Variants in CSMD1 observed in about 807,000 individuals in gnomAD.
The protein encoded by CSMD1 is CUB and Sushi multiple domains 1.
CSMD1 carries 213 observed loss-of-function variants against 417.5 expected under a neutral mutation model. The observed-to-expected ratio is 0.51, with a 90% CI of 0.46 to 0.57. The LOEUF is 0.57. CSMD1 is among the 20% of genes least tolerant of loss of function. The pLI is 0.00. For missense variants in CSMD1, 6,923 were observed against 4,529.7 expected (o/e 1.53, Z -15.17); for synonymous variants, 2,862 against 1,736.8 (o/e 1.65, Z -16.11).
In CSMD1 at chr8:4,020,373, C is replaced by A. The variant is rs1280268618; in HGVS notation, c.610+11532G>T. ...CTCAAGACTGCAAGATGTTGTATTTCATTTAATCCTTAAACTGACACTGAG... is the reference window on the plus strand; with the variant it reads ...CTCAAGACTGCAAGATGTTGTATTTAATTTAATCCTTAAACTGACACTGAG... On this transcript the variant is annotated intron_variant, in intron 4 of 69. Coordinates refer to ENST00000635120, the MANE Select transcript of CSMD1 (RefSeq NM_033225.6). Among the ~76,000 whole-genome samples, 3 of 152,186 alleles carry A rather than the reference C, an allele frequency of 2.0e-5. No individual in the cohort carries two copies. The East Asian group carries it at 5.8e-4, about 29-fold the overall frequency.
Position 3,571,213 on chromosome 8 carries a change from G to T in CSMD1, c.1344+3732C>A, listed in dbSNP as rs13271675. On this transcript the variant is annotated intron_variant, in intron 10 of 69. Coordinates refer to ENST00000635120, the MANE Select transcript of CSMD1 (RefSeq NM_033225.6). ...TTTCTTGGACTATATTCTGCTTTCTGCATGCTGTCATCCTAATTTCTGGTT... is the reference window on the plus strand; with the variant it reads ...TTTCTTGGACTATATTCTGCTTTCTTCATGCTGTCATCCTAATTTCTGGTT... 2.6e-5 allele frequency among the ~76,000 whole-genome samples: 4 copies of T among 152,026 alleles called. No individual in the cohort carries two copies. The South Asian group carries it at 6.2e-4, about 24-fold the overall frequency.
rs146378609 is a variant in CSMD1 at position 4,467,173 on chromosome 8, C to T, written c.303-47108G>A. On this transcript the variant is annotated intron_variant, in intron 2 of 69. Coordinates refer to ENST00000635120, the MANE Select transcript of CSMD1 (RefSeq NM_033225.6). ...AAAGAAAAAACAAATGTTGACAACTCGTTCTGTAAACAATGTTCAAAGTCC... is the reference window on the plus strand; with the variant it reads ...AAAGAAAAAACAAATGTTGACAACTTGTTCTGTAAACAATGTTCAAAGTCC... Among the ~76,000 whole-genome samples, 153 of 151,118 alleles carry T rather than the reference C, an allele frequency of 1.0e-3. 2 individuals are homozygous for T. The East Asian group carries it at 0.017, about 17-fold the overall frequency.
At chr8:4,373,580 T>A (rs112103051) in intron 3 of CSMD1, among the ~76,000 whole-genome samples, 2,673 of 152,336 alleles carry the variant, frequency 0.018, 74 homozygotes, top group African/African-American at 0.061. Flanking sequence ...AATTTCATCT[T>A]ATTTAATTTT....
At chr8:4,138,695 T>A (rs988243741) in intron 3 of CSMD1, among the ~76,000 whole-genome samples, 3 of 152,194 alleles carry the variant, frequency 2.0e-5, no homozygotes, top group Non-Finnish European at 4.4e-5. Context: ...TTGTAATGAA[T>A]TCAATATTTC....
intron 36 of CSMD1, chr8:3,183,129 A>G (rs1419806945): frequency 6.7e-6 from 1 of 148,476 alleles, no homozygotes; most frequent in East Asian, 2.0e-4. Context: ...AACATCGAGT[A>G]GGTCTCTAAC....
chr8:3,633,166 A>T (rs1305159538), intron 7 of CSMD1, among the ~76,000 whole-genome samples: 1 of 152,260 alleles, frequency 6.6e-6, no homozygotes. Context: ...ATCATTAAAC[A>T]TCATATATGA....
At position 3,282,432 on chromosome 8, in the gene CSMD1, A is replaced by C. The variant is rs138718733; in HGVS notation, c.4153+1712T>G. Among the ~76,000 whole-genome samples the C allele has an allele frequency of 1.8e-3, 276 of 152,316 alleles. 4 individuals are homozygous for C. The highest frequency in any genetic ancestry group is 6.5e-3 in the African/African-American group (270 of 41,582). ...CAGAATGGAAAGAAGAGGAAAATGA[A>C]CATAATCTCATAACTTTCTCAACTT... is the stretch of plus-strand genomic sequence containing the variant. On this transcript the variant is annotated intron_variant, in intron 26 of 69. Coordinates refer to ENST00000635120, the MANE Select transcript of CSMD1 (RefSeq NM_033225.6).
chr8:4,487,440 A>G (rs1292468420), intron 2 of CSMD1, among the ~76,000 whole-genome samples: 1 of 152,116 alleles, frequency 6.6e-6, no homozygotes, highest in Non-Finnish European at 1.5e-5. Context: ...CTTGCGATAC[A>G]TTACTGAGAA....
intron 1 of CSMD1, among the ~76,000 whole-genome samples, chr8:4,939,908 AATAT>A (rs914547829): frequency 8.5e-5 from 13 of 152,358 alleles, no homozygotes; most frequent in African/African-American, 3.1e-4. Context: ...GTGTACCATA[AATAT>A]ATATACAATT....
intron 10 of CSMD1, among the ~76,000 whole-genome samples, chr8:3,516,105 G>A (rs182773268): frequency 1.3e-5 from 2 of 152,200 alleles, no homozygotes; most frequent in Non-Finnish European, 2.9e-5. Context: ...ACTTGAGTGT[G>A]GTCTCACAGA....
chr8:3,741,679 G>T (rs1037708636), intron 6 of CSMD1, among the ~76,000 whole-genome samples: 1 of 152,096 alleles, frequency 6.6e-6, no homozygotes, highest in Admixed American at 6.6e-5. Flanking sequence ...CTTCTAACTG[G>T]GAAATTAACA....
chr8:3,081,499 A>G (rs1240412732), intron 49 of CSMD1, among the ~76,000 whole-genome samples: 1 of 152,220 alleles, frequency 6.6e-6, no homozygotes, highest in Non-Finnish European at 1.5e-5. Flanking sequence ...AAAATTTTCA[A>G]ATAAAATAAT....
intron 3 of CSMD1, among the ~76,000 whole-genome samples, chr8:4,338,590 A>G (rs144686884): frequency 0.013 from 1,907 of 152,198 alleles, 46 homozygotes; most frequent in African/African-American, 0.044. Context: ...TGACATACTC[A>G]TAATAGAAAC....
At chr8:3,373,677 T>A (rs187413702) in intron 18 of CSMD1, 12 of 152,202 alleles carry the variant, frequency 7.9e-5, no homozygotes, top group Non-Finnish European at 1.6e-4. Flanking sequence ...TGCTCATAAT[T>A]TGAATTATGT....
At chr8:4,175,525 C>G (rs563447919) in intron 3 of CSMD1, among the ~76,000 whole-genome samples, 2 of 151,324 alleles carry the variant, frequency 1.3e-5, no homozygotes, top group Admixed American at 1.3e-4. Flanking sequence ...GATAGAAGCC[C>G]AATGGATAAA....
chr8:3,923,527 C>T (rs575428684), intron 5 of CSMD1, among the ~76,000 whole-genome samples: 11 of 152,076 alleles, frequency 7.2e-5, no homozygotes, highest in East Asian at 1.9e-4. Context: ...TCTCACCTTG[C>T]GCATTTCCCA....
intron 26 of CSMD1, among the ~76,000 whole-genome samples, chr8:3,240,527 C>G (rs887908130): frequency 3.3e-5 from 5 of 151,830 alleles, no homozygotes; most frequent in Non-Finnish European, 7.4e-5. Flanking sequence ...AGATAGGTAA[C>G]AGATGAGGAA....
chr8:4,805,767 T>C (rs1563443841), intron 1 of CSMD1, among the ~76,000 whole-genome samples: 2 of 152,168 alleles, frequency 1.3e-5, no homozygotes, highest in African/African-American at 4.8e-5. Flanking sequence ...CATTAATGAA[T>C]ACAGGATGAT....
chr8:3,219,470 T>C (rs754509987), intron 28 of CSMD1, 28 bp from the exon 29 acceptor site: 12 of 1,387,088 alleles, frequency 8.7e-6, no homozygotes, highest in Non-Finnish European at 1.0e-5. Flanking sequence ...AATTATGTCA[T>C]ACGGCTAACA....
Sources: gnomAD v4.1 joint callset for allele counts (sites outside exome capture counted in the v4.1 genomes callset) on GRCh38, gnomAD v4.1.1 for gene constraint, MANE v1.5 for transcripts, NCBI Gene and HGNC (gene_info 2026-07-23, HGNC 2026-07-21) for gene names.